SPART: variants seen among roughly 807,000 people sequenced by gnomAD.
The protein encoded by SPART is spartin.
SPART carries 35 observed loss-of-function variants against 58.7 expected under a neutral mutation model. That is an observed-to-expected ratio of 0.60 (90% confidence interval 0.46 to 0.79). The LOEUF (loss-of-function observed/expected upper bound fraction) is 0.79, where lower values mean the gene tolerates loss of function less well. Among genes scored for constraint, SPART ranks in the 30% least tolerant of loss-of-function variants. The probability of loss-of-function intolerance (pLI) is 0.00; values close to 1 mark genes in which losing one functional copy is unlikely to be tolerated. For missense variants in SPART, 730 were observed against 786.1 expected, an observed-to-expected ratio of 0.93 and a Z score of 0.85; for synonymous variants, 284 against 280.7, an observed-to-expected ratio of 1.01 and a Z score of -0.12.
At chr13:36,334,023 G>A (rs909064246) in intron 2 of SPART, among the ~76,000 whole-genome samples, 1 of 152,152 alleles carries the variant, frequency 6.6e-6, no homozygotes, top group Non-Finnish European at 1.5e-5. Context: ...GAATCAACAG[G>A]AGAGAATACC....
At chr13:36,350,205 G>T (rs1370222367), upstream of SPART, among the ~76,000 whole-genome samples, 1 of 152,112 alleles carries the variant, frequency 6.6e-6, no homozygotes, top group Non-Finnish European at 1.5e-5. Context: ...CACTAACCCA[G>T]GTCCCCAGGG....
chr13:36,352,201 G>T (rs1039671529), intron 1 of SPART, among the ~76,000 whole-genome samples: 2 of 152,106 alleles, frequency 1.3e-5, no homozygotes, highest in African/African-American at 2.4e-5. Context: ...GCATGCATTT[G>T]ACAAAAGATC....
intron 5 of SPART, among the ~76,000 whole-genome samples, chr13:36,317,787 A>T (rs1260636140): frequency 2.0e-5 from 3 of 152,016 alleles, no homozygotes; most frequent in Non-Finnish European, 4.4e-5. Flanking sequence ...ACCTTACCTA[A>T]AACCTAAATG....
chr13:36,311,802 A>G (rs1232141382), intron 8 of SPART, among the ~76,000 whole-genome samples: 1 of 152,228 alleles, frequency 6.6e-6, no homozygotes, highest in African/African-American at 2.4e-5. Context: ...CAAGAGATTT[A>G]GTCCGCCAGG....
At chr13:36,319,040 A>G (rs1593236500) in intron 5 of SPART, among the ~76,000 whole-genome samples, 1 of 152,094 alleles carries the variant, frequency 6.6e-6, no homozygotes, top group East Asian at 1.9e-4. Flanking sequence ...CCCACTCCAC[A>G]TTACCCTCTT....
intron 2 of SPART, among the ~76,000 whole-genome samples, chr13:36,332,846 A>G (rs75854028): frequency 0.01 from 1,583 of 152,318 alleles, 15 homozygotes; most frequent in Non-Finnish European, 0.016. Context: ...ATTTATTTTA[A>G]TATGTATGAG....
chr13:36,350,874 G>A (rs1440625913), upstream of SPART, among the ~76,000 whole-genome samples: 1 of 152,022 alleles, frequency 6.6e-6, no homozygotes, highest in Non-Finnish European at 1.5e-5. Context: ...AAGATACTAG[G>A]AAATAGCACA....
Position 36,304,647 on chromosome 13 carries a change from T to C in SPART, c.1734-15A>G, listed in dbSNP as rs760999088. On this transcript the variant is annotated splice_polypyrimidine_tract_variant and intron_variant, in intron 8 of 8. Transcript: ENST00000438666. ...TATATCCGTATCTTTAAAAGAAAGA[T>C]TAGAGGACATACAATGAAACAATAA... 3 of 1,612,634 alleles carry C rather than the reference T, an allele frequency of 1.9e-6. No homozygotes were observed. Among genetic ancestry groups the C allele is most frequent in the South Asian group, 2.2e-5 (2 of 90,940 alleles).
At chr13:36,317,762 A>C (rs943784060) in intron 5 of SPART, among the ~76,000 whole-genome samples, 2 of 151,538 alleles carry the variant, frequency 1.3e-5, no homozygotes, top group African/African-American at 4.9e-5. Flanking sequence ...AAAACTTAAA[A>C]CCTCTTCAAC....
At chr13:36,330,248 ACTC>A (rs1323161742) in intron 3 of SPART, among the ~76,000 whole-genome samples, 1 of 152,112 alleles carries the variant, frequency 6.6e-6, no homozygotes, top group Non-Finnish European at 1.5e-5. Context: ...GTGAAGATGA[ACTC>A]CTTCATTTGA....
chr13:36,320,647 CT>C (rs1231207852), intron 5 of SPART, among the ~76,000 whole-genome samples: 1 of 152,176 alleles, frequency 6.6e-6, no homozygotes, highest in Non-Finnish European at 1.5e-5. Context: ...CGAGGATTTG[CT>C]CCCACCCAAG....
At chr13:36,318,189 T>C (rs1454398031) in intron 5 of SPART, among the ~76,000 whole-genome samples, 1 of 152,130 alleles carries the variant, frequency 6.6e-6, no homozygotes, top group Admixed American at 6.5e-5. Context: ...TATAATCTTT[T>C]TATCACCTCC....
At chr13:36,317,843 C>A (rs1036658403) in intron 5 of SPART, among the ~76,000 whole-genome samples, 1 of 152,162 alleles carries the variant, frequency 6.6e-6, no homozygotes, top group Non-Finnish European at 1.5e-5. Flanking sequence ...ACAAACTCTA[C>A]AGTAGTTCCA....
intron 2 of SPART, among the ~76,000 whole-genome samples, chr13:36,332,663 C>A (rs1178069917): frequency 6.6e-6 from 1 of 152,178 alleles, no homozygotes; most frequent in Non-Finnish European, 1.5e-5. Flanking sequence ...ATAACAAAAG[C>A]TCTCCTGCAA....
At chr13:36,352,719 G>A (rs906377697) in intron 1 of SPART, among the ~76,000 whole-genome samples, 1 of 151,792 alleles carries the variant, frequency 6.6e-6, no homozygotes, top group African/African-American at 2.4e-5. Context: ...GGCTGAGGTG[G>A]GAGGATCAAT....
At chr13:36,327,146 A>G (rs1349498882) in intron 4 of SPART, among the ~76,000 whole-genome samples, 2 of 152,198 alleles carry the variant, frequency 1.3e-5, no homozygotes, top group African/African-American at 4.8e-5. Flanking sequence ...ATTTGAAACA[A>G]GAAGGAATAT....
chr13:36,364,836 C>T (rs1885995460), intron 1 of SPART, among the ~76,000 whole-genome samples: 1 of 152,148 alleles, frequency 6.6e-6, no homozygotes, highest in Non-Finnish European at 1.5e-5. Context: ...GCCTCATTAC[C>T]TCTTGCTGTG....
At chr13:36,339,477 A>G (rs1304694770) in intron 1 of SPART, among the ~76,000 whole-genome samples, 1 of 151,782 alleles carries the variant, frequency 6.6e-6, no homozygotes, top group Non-Finnish European at 1.5e-5. Flanking sequence ...TAAAAATACA[A>G]AAAAATTTCC....
At chr13:36,327,451 A>G (rs1339847218) in intron 4 of SPART, among the ~76,000 whole-genome samples, 1 of 152,226 alleles carries the variant, frequency 6.6e-6, no homozygotes, top group East Asian at 1.9e-4. Flanking sequence ...AGTAAAATCT[A>G]AAGCTTTTCA....
Sources: allele counts gnomAD v4.1 joint callset (sites outside exome capture counted in the v4.1 genomes callset), GRCh38; gene constraint gnomAD v4.1.1; transcripts MANE v1.5; gene names NCBI Gene and HGNC (gene_info 2026-07-23, HGNC 2026-07-21).